PAPPA2: variants seen among roughly 807,000 people sequenced by gnomAD.
PAPPA2 encodes pappalysin 2.
A neutral mutation model predicts 176.4 loss-of-function variants in PAPPA2; 86 were observed. The ratio of observed to expected loss-of-function variants is 0.49; its 90% confidence interval spans 0.41 to 0.58. The LOEUF is 0.58. Ranked by LOEUF, PAPPA2 falls within the 20% of genes least tolerant of loss-of-function variation. The probability of loss-of-function intolerance (pLI) is 0.00; values close to 1 mark genes in which losing one functional copy is unlikely to be tolerated. For missense variants in PAPPA2, 2,073 were observed against 2,256.9 expected, an observed-to-expected ratio of 0.92 and a Z score of 1.65; for synonymous variants, 809 against 852.2, an observed-to-expected ratio of 0.95 and a Z score of 0.88.
At chr1:176,776,219 A>T (rs1460514296) in intron 17 of PAPPA2, among the ~76,000 whole-genome samples, 1 of 152,088 alleles carries the variant, frequency 6.6e-6, no homozygotes, top group Non-Finnish European at 1.5e-5. Flanking sequence ...CCTTTTTCTC[A>T]TTATGTGTTA....
chr1:176,593,230 C>T (rs755221023), intron 2 of PAPPA2, among the ~76,000 whole-genome samples: 6 of 152,110 alleles, frequency 3.9e-5, no homozygotes, highest in African/African-American at 7.2e-5. Context: ...ACTTGCCTGC[C>T]GTCAGAATAG....
intron 1 of PAPPA2, among the ~76,000 whole-genome samples, chr1:176,501,459 C>T (rs1167953239): frequency 1.3e-5 from 2 of 152,036 alleles, no homozygotes; most frequent in Non-Finnish European, 2.9e-5. Context: ...TTGCAAACCC[C>T]AAATTTACAT....
chr1:176,667,005 G>A (rs1039266014), intron 3 of PAPPA2, among the ~76,000 whole-genome samples: 2 of 152,150 alleles, frequency 1.3e-5, no homozygotes, highest in African/African-American at 4.8e-5. Flanking sequence ...CAGCACTTTG[G>A]GAGGCCGAGG....
intron 10 of PAPPA2, among the ~76,000 whole-genome samples, chr1:176,709,208 C>T (rs1024421582): frequency 8.5e-5 from 13 of 152,128 alleles, no homozygotes; most frequent in African/African-American, 3.1e-4. Context: ...TTGAAGACAG[C>T]CCCTCTGTCT....
At chr1:176,469,071 A>G (rs896969777) in intron 1 of PAPPA2, among the ~76,000 whole-genome samples, 2 of 152,134 alleles carry the variant, frequency 1.3e-5, no homozygotes, top group Non-Finnish European at 2.9e-5. Flanking sequence ...AAATATTTGC[A>G]ATGCTTTCAT....
intron 1 of PAPPA2, among the ~76,000 whole-genome samples, chr1:176,476,956 C>A (rs776874099): frequency 3.3e-5 from 5 of 152,048 alleles, no homozygotes; most frequent in Non-Finnish European, 7.4e-5. Flanking sequence ...GGTGAGACAC[C>A]GGGACCTCGA....
intron 1 of PAPPA2, among the ~76,000 whole-genome samples, chr1:176,542,325 A>T (rs898874113): frequency 6.6e-6 from 1 of 152,196 alleles, no homozygotes; most frequent in African/African-American, 2.4e-5. Flanking sequence ...GTGAGAAATG[A>T]TATCAAAATG....
intron 2 of PAPPA2, among the ~76,000 whole-genome samples, chr1:176,568,068 A>T (rs559286769): frequency 6.6e-6 from 1 of 152,206 alleles, no homozygotes; most frequent in African/African-American, 2.4e-5. Context: ...ATTGCACTCT[A>T]TGCAGAAACT....
At chr1:176,732,996 G>T (rs539631191) in intron 12 of PAPPA2, among the ~76,000 whole-genome samples, 1 of 152,108 alleles carries the variant, frequency 6.6e-6, no homozygotes, top group South Asian at 2.1e-4. Flanking sequence ...GTGCTCATAG[G>T]AGAGCAAACC....
At position 176,638,939 on chromosome 1, in the gene PAPPA2, C is replaced by CGTGTGTGTGTGT. The variant is rs34264749; in HGVS notation, c.1992-32010_1992-31999dup. Among the ~76,000 whole-genome samples, 31 of 143,128 alleles carry CGTGTGTGTGTGT rather than the reference C, an allele frequency of 2.2e-4. 1 individual carries two copies. The South Asian group carries it at 5.2e-3, about 24-fold the overall frequency. The allele number at this position is 143,128 out of a possible 152,430, so 93.9% of individuals were successfully genotyped here. On this transcript the variant is annotated intron_variant, in intron 3 of 22. Transcript: ENST00000367662. ...GTGTGTGTGTGTGCATGTGCATGTGCGTGTGTGTGTGTGTGTGTGTGTGTG... is the reference window on the plus strand; with the variant it reads ...GTGTGTGTGTGTGCATGTGCATGTGCGTGTGTGTGTGTGTGTGTGTGTGTGTGTGTGTGTGTG...
intron 17 of PAPPA2, among the ~76,000 whole-genome samples, chr1:176,784,785 A>G (rs1664860171): frequency 6.6e-6 from 1 of 151,910 alleles, no homozygotes; most frequent in Admixed American, 6.6e-5. Context: ...TGGGGGTTTC[A>G]CCATATTGGC....
intron 1 of PAPPA2, among the ~76,000 whole-genome samples, chr1:176,467,311 T>C (rs1435609966): frequency 6.6e-6 from 1 of 152,218 alleles, no homozygotes; most frequent in Non-Finnish European, 1.5e-5. Context: ...GGCACATGAT[T>C]GTAAGTTCAA....
chr1:176,837,309 C>T (rs181396416), intron 21 of PAPPA2, among the ~76,000 whole-genome samples: 424 of 151,968 alleles, frequency 2.8e-3, no homozygotes, highest in Non-Finnish European at 3.8e-3. Flanking sequence ...GTAGGTATAA[C>T]GCTAAGGGCT....
At chr1:176,519,640 A>C (rs1025259554) in intron 1 of PAPPA2, among the ~76,000 whole-genome samples, 18 of 152,322 alleles carry the variant, frequency 1.2e-4, no homozygotes, top group African/African-American at 4.3e-4. Flanking sequence ...CATTTTTGGA[A>C]GACTTGGCTG....
rs185928941 is a variant in PAPPA2 at position 176,467,293 on chromosome 1, C to T, written c.-917+3875C>T. Among the ~76,000 whole-genome samples the T allele has an allele frequency of 5.9e-5, 9 of 152,268 alleles. No individual in the cohort carries two copies. The South Asian group carries it at 6.2e-4, about 11-fold the overall frequency. On this transcript the variant is annotated intron_variant, in intron 1 of 22. Transcript: ENST00000367662. Reference sequence around the variant, plus strand: ...TTATGCAGTCCGTTGTTGACAGAAACGTTATGTGGCACATGATTGTAAGTT... The same window carrying T: ...TTATGCAGTCCGTTGTTGACAGAAATGTTATGTGGCACATGATTGTAAGTT...
At chr1:176,559,122 C>T (rs1306584723) in intron 2 of PAPPA2, among the ~76,000 whole-genome samples, 4 of 152,224 alleles carry the variant, frequency 2.6e-5, no homozygotes, top group Non-Finnish European at 5.9e-5. Context: ...CGCCTCCAAC[C>T]CCTGCCAACA....
chr1:176,717,232 G>T (rs1661418498), intron 12 of PAPPA2, among the ~76,000 whole-genome samples: 1 of 152,164 alleles, frequency 6.6e-6, no homozygotes, highest in African/African-American at 2.4e-5. Context: ...GGTTGAAACA[G>T]CCTACAGTGA....
chr1:176,706,210 T>C (rs1660873816), intron 9 of PAPPA2, 149 bp from the exon 10 acceptor site: 3 of 619,400 alleles, frequency 4.8e-6, no homozygotes, highest in Non-Finnish European at 8.4e-6. Context: ...TGTTTCTATT[T>C]TCTGTAAAAG....
At chr1:176,807,844 G>T (rs118059848) in intron 21 of PAPPA2, among the ~76,000 whole-genome samples, 2 of 152,266 alleles carry the variant, frequency 1.3e-5, no homozygotes, top group East Asian at 3.9e-4. Context: ...ATTTCTCTAA[G>T]TACAGACCCT....
Sources: gnomAD v4.1 joint callset for allele counts (sites outside exome capture counted in the v4.1 genomes callset) on GRCh38, gnomAD v4.1.1 for gene constraint, MANE v1.5 for transcripts, NCBI Gene and HGNC (gene_info 2026-07-23, HGNC 2026-07-21) for gene names.